The following UNKL variants were observed in gnomAD, a reference collection of about 807,000 sequenced individuals.
UNKL encodes unk like zinc finger, also known as putative E3 ubiquitin-protein ligase UNKL.
In UNKL, 60 loss-of-function variants were observed where a neutral mutation model predicts 78.0. That is an observed-to-expected ratio of 0.77 (90% CI 0.63 to 0.95). UNKL has a LOEUF of 0.95. Ranked by LOEUF, UNKL falls within the 40% of genes least tolerant of loss-of-function variation. UNKL has a pLI of 0.00. For missense variants in UNKL, 1,159 were observed against 1,045.7 expected (o/e 1.11, Z -1.49); for synonymous variants, 608 against 474.8 (o/e 1.28, Z -3.65).
In UNKL at chr16:1,414,059, C is replaced by T; in HGVS notation, c.78-4G>A. ...CGTCCTGAACTCCTTCAGGTACCTA[C>T]AAACACAGACAGCGCCGCGGCTCGC... On this transcript the variant is annotated splice_polypyrimidine_tract_variant and splice_region_variant and intron_variant, in intron 1 of 14. Transcript: ENST00000389221. The T allele has an allele frequency of 1.3e-6, 2 of 1,532,600 alleles. No individual in the cohort carries two copies. The highest frequency in any genetic ancestry group is 2.0e-4 in the Middle Eastern group (1 of 4,912). 94.9% of individuals were successfully genotyped at this position (1,532,600 alleles called of 1,614,324 possible).
chr16:1,385,074 G>A (rs1170414077), intron 10 of UNKL, 134 bp downstream of exon 10: 2 of 724,110 alleles, frequency 2.8e-6, no homozygotes, highest in Non-Finnish European at 3.8e-6. Context: ...ACAGATGACT[G>A]AAAATACGCG....
intron 7 of UNKL, 149 bp downstream of exon 7, chr16:1,393,982 C>T: frequency 2.6e-6 from 2 of 770,560 alleles, no homozygotes; most frequent in South Asian, 1.8e-5. Context: ...ACGGGCATGT[C>T]AGGGACCCCC....
rs1293595850 is a variant in UNKL at position 1,368,004 on chromosome 16, C to T, written c.1586-146G>A. 8.6e-6 allele frequency: 6 copies of T among 698,476 alleles called. No homozygotes were observed. The South Asian group carries it at 9.4e-5, about 11-fold the overall frequency. The allele number at this position is 698,476 out of a possible 1,614,324, so 43.3% of individuals were successfully genotyped here. The stretch of plus-strand genomic sequence containing the variant: ...GGCAGCAGGGGTGCAGCCACGCCTG[C>T]CCCTTGCCCCACTCCTGGACCCCAC... On this transcript the variant is annotated intron_variant, in intron 12 of 14. Coordinates refer to ENST00000389221, the MANE Select transcript of UNKL (RefSeq NM_001372107.1).
At chr16:1,376,525 G>T (rs1245524976) in intron 10 of UNKL, among the ~76,000 whole-genome samples, 3 of 152,148 alleles carry the variant, frequency 2.0e-5, no homozygotes, top group African/African-American at 4.8e-5. Flanking sequence ...GCTGGCAGCT[G>T]CGTGGCTCCA....
chr16:1,391,131 T>C (rs978642709), intron 8 of UNKL, among the ~76,000 whole-genome samples: 6 of 149,022 alleles, frequency 4.0e-5, no homozygotes, highest in Non-Finnish European at 8.9e-5. Flanking sequence ...GGCTGGGTGA[T>C]AGAGTGAGAC....
intron 10 of UNKL, among the ~76,000 whole-genome samples, chr16:1,375,356 G>T (rs926525439): frequency 1.3e-5 from 2 of 152,130 alleles, no homozygotes; most frequent in Non-Finnish European, 2.9e-5. Flanking sequence ...TCCAGAGGCC[G>T]CAAGGCAGAG....
chr16:1,398,411 A>G, intron 5 of UNKL: 3 of 1,033,888 alleles, frequency 2.9e-6, no homozygotes, highest in Non-Finnish European at 3.5e-6. Flanking sequence ...CGATGACAAA[A>G]TCTCAGACAC....
intron 5 of UNKL, chr16:1,398,495 T>G (rs112562599): frequency 8.0e-7 from 1 of 1,243,812 alleles, no homozygotes; most frequent in Non-Finnish European, 1.0e-6. Context: ...GAACGTGGCA[T>G]AACAACAAGG....
chr16:1,383,272 C>CAA (rs527382927), intron 10 of UNKL, among the ~76,000 whole-genome samples: 150 of 65,236 alleles, frequency 2.3e-3, no homozygotes, highest in South Asian at 9.1e-3. Context: ...AACTCCGTCT[C>CAA]AAAAAAAAAA....
chr16:1,409,856 G>A (rs190843438), intron 2 of UNKL, among the ~76,000 whole-genome samples: 27 of 152,142 alleles, frequency 1.8e-4, no homozygotes, highest in African/African-American at 4.6e-4. Flanking sequence ...CAAGGCTAGC[G>A]GATCACCTGA....
At chr16:1,395,633 T>C in intron 6 of UNKL, 1 of 449,258 alleles carries the variant, frequency 2.2e-6, no homozygotes, top group South Asian at 1.6e-5. Context: ...CTCGGAAGAG[T>C]CCTTGTTTAC....
chr16:1,409,575 A>G (rs2037942191), intron 2 of UNKL, among the ~76,000 whole-genome samples: 1 of 152,164 alleles, frequency 6.6e-6, no homozygotes, highest in Non-Finnish European at 1.5e-5. Context: ...TCTTAGCCCC[A>G]CTTACCACCC....
intron 10 of UNKL, among the ~76,000 whole-genome samples, chr16:1,375,447 G>A (rs2036146595): frequency 6.6e-6 from 1 of 152,222 alleles, no homozygotes; most frequent in Non-Finnish European, 1.5e-5. Context: ...GAATTTCCGG[G>A]GCGTGGAGGC....
intron 10 of UNKL, 98 bp from the exon 11 acceptor site, chr16:1,371,709 G>A: frequency 7.9e-7 from 1 of 1,272,904 alleles, no homozygotes; most frequent in Admixed American, 2.2e-5. Context: ...GGCTTAGAGT[G>A]AGACCAAGGG....
At chr16:1,378,693 C>G (rs2142045299) in intron 10 of UNKL, among the ~76,000 whole-genome samples, 1 of 152,290 alleles carries the variant, frequency 6.6e-6, no homozygotes, top group South Asian at 2.1e-4. Context: ...GGGAAGCTGC[C>G]TGGAGAGGGG....
At position 1,403,091 on chromosome 16, in the gene UNKL, C is replaced by T; in HGVS notation, c.464+77G>A. ...CCTGCAGCAGCAGGGAGGCGAGCCA[C>T]TTGCCGAGTTCCTGCTCATCCAGCA... On this transcript the variant is annotated intron_variant, in intron 3 of 14. Coordinates refer to ENST00000389221, the MANE Select transcript of UNKL (RefSeq NM_001372107.1). This position sits in a 1 kb window ranked among gnomAD's most constrained non-coding sequence, Gnocchi z 4.8. The T allele has an allele frequency of 1.3e-6, 2 of 1,488,042 alleles. No individual in the cohort carries two copies. Among genetic ancestry groups the T allele is most frequent in the Non-Finnish European group, 1.8e-6 (2 of 1,116,340 alleles). The allele number at this position is 1,488,042 out of a possible 1,614,324, so 92.2% of individuals were successfully genotyped here. A position where few individuals can be genotyped will look rare whatever the true frequency, so the allele number is the denominator to read the frequency against.
At chr16:1,385,739 G>T (rs986702200) in intron 9 of UNKL, among the ~76,000 whole-genome samples, 3 of 152,236 alleles carry the variant, frequency 2.0e-5, no homozygotes, top group Non-Finnish European at 4.4e-5. Context: ...GGGGCAAGCC[G>T]TGCAGCCTGC....
chr16:1,410,133 C>A (rs531199468), intron 2 of UNKL, among the ~76,000 whole-genome samples: 162 of 152,054 alleles, frequency 1.1e-3, no homozygotes, highest in African/African-American at 3.7e-3. Context: ...GGGTGCAGGG[C>A]TGCACACCTG....
intron 12 of UNKL, among the ~76,000 whole-genome samples, chr16:1,369,733 T>C (rs895111943): frequency 6.6e-6 from 1 of 152,244 alleles, no homozygotes; most frequent in Non-Finnish European, 1.5e-5. Flanking sequence ...ATCCCACACT[T>C]TGGGAAGCCA....
Sources: allele counts gnomAD v4.1 joint callset (sites outside exome capture counted in the v4.1 genomes callset), GRCh38; gene constraint gnomAD v4.1.1; non-coding constraint Gnocchi (gnomAD v3.1); transcripts MANE v1.5; gene names NCBI Gene and HGNC (gene_info 2026-07-23, HGNC 2026-07-21).